ADCYAP1R1: variants seen among roughly 807,000 people sequenced by gnomAD.
ADCYAP1R1 encodes the protein ADCYAP receptor type I.
ADCYAP1R1 carries 44 observed loss-of-function variants against 67.6 expected under a neutral mutation model. That is an observed-to-expected ratio of 0.65 (90% CI 0.51 to 0.84). ADCYAP1R1 has a LOEUF of 0.84. Ranked by LOEUF, ADCYAP1R1 falls within the 40% of genes least tolerant of loss-of-function variation. The probability of loss-of-function intolerance (pLI) is 0.00; values close to 1 mark genes in which losing one functional copy is unlikely to be tolerated. For synonymous variants in ADCYAP1R1, 222 were observed against 219.6 expected (o/e 1.01, Z -0.10); for missense variants, 477 against 587.9 (o/e 0.81, Z 1.95).
Position 31,104,895 on chromosome 7 carries a change from T to A in ADCYAP1R1, c.1204T>A (p.Phe402Ile), listed in dbSNP as rs974372249. Residue 402 changes from phenylalanine to isoleucine, a missense_variant, in exon 15 of 16, where the codon TTT becomes ATT. By Grantham distance (21) the Phe-to-Ile change is conservative. Transcript: ENST00000304166. ...CTTTGTGGTGGCTGTTCTCTACTGTTTTCTGAATGGTGAGGTAAGACCTTG... is the reference window on the plus strand; with the variant it reads ...CTTTGTGGTGGCTGTTCTCTACTGTATTCTGAATGGTGAGGTAAGACCTTG... ...QGFVVAVLYC[F>I]LNGEVQAEIK... is the part of the protein sequence containing the mutation. 4 of 1,614,198 alleles carry A rather than the reference T, an allele frequency of 2.5e-6. No homozygotes were observed. The Admixed American group carries it at 5.0e-5, about 20-fold the overall frequency.
intron 3 of ADCYAP1R1, among the ~76,000 whole-genome samples, chr7:31,074,045 AGCT>A (rs949052744): frequency 1.3e-5 from 2 of 152,286 alleles, no homozygotes; most frequent in East Asian, 3.9e-4. Context: ...AGGCAGCTGT[AGCT>A]GCCCCAGCCA....
intron 13 of ADCYAP1R1, among the ~76,000 whole-genome samples, chr7:31,099,373 TG>T (rs1796341322): frequency 6.6e-6 from 1 of 152,258 alleles, no homozygotes; most frequent in African/African-American, 2.4e-5. Flanking sequence ...TAGCTCCATG[TG>T]GCTGTTGAGC....
chr7:31,098,141 A>G (rs1796280869), intron 13 of ADCYAP1R1, among the ~76,000 whole-genome samples: 1 of 152,132 alleles, frequency 6.6e-6, no homozygotes, highest in South Asian at 2.1e-4. Flanking sequence ...AACTCAGCCA[A>G]TCCACCCGCC....
chr7:31,098,364 G>A (rs1796292467), intron 13 of ADCYAP1R1, among the ~76,000 whole-genome samples: 1 of 152,196 alleles, frequency 6.6e-6, no homozygotes, highest in Non-Finnish European at 1.5e-5. Flanking sequence ...CATTCATTGA[G>A]GAATCATGAA....
chr7:31,074,074 T>C (rs1454344170), intron 3 of ADCYAP1R1, among the ~76,000 whole-genome samples: 1 of 152,158 alleles, frequency 6.6e-6, no homozygotes, highest in Non-Finnish European at 1.5e-5. Flanking sequence ...TGGGCACCAG[T>C]AGGTCCTGGG....
intron 8 of ADCYAP1R1, among the ~76,000 whole-genome samples, 166 bp from the exon 9 acceptor site, chr7:31,085,144 G>T (rs924665410): frequency 6.6e-6 from 1 of 152,188 alleles, no homozygotes; most frequent in African/African-American, 2.4e-5. Flanking sequence ...GGTTATAGGG[G>T]CCTGGAAGTC....
In ADCYAP1R1 at chr7:31,084,772, G is replaced by A. The variant is rs775319900; in HGVS notation, c.474G>A (p.Thr158=). The A allele has an allele frequency of 2.2e-5, 36 of 1,613,954 alleles. No individual in the cohort carries two copies. The highest frequency in any genetic ancestry group is 1.7e-4 in the African/African-American group (13 of 74,904). Residue 158 remains threonine (T), a synonymous_variant, in exon 8 of 16, where the codon ACG becomes ACA. Coordinates refer to ENST00000304166, the MANE Select transcript of ADCYAP1R1 (RefSeq NM_001118.5). ...ACCTGTCAGTGAAGGCCCTCTACAC[G>A]GTTGGCTACAGCACATCCCTCGTCA... The part of the protein sequence containing the change: ...YYYLSVKALY[T]VGYSTSLVTL...
intron 2 of ADCYAP1R1, 101 bp from the exon 3 acceptor site, chr7:31,064,730 C>A: frequency 1.1e-6 from 1 of 916,342 alleles, no homozygotes; most frequent in Non-Finnish European, 1.7e-6. Context: ...TCTGCTTCTG[C>A]TCCCCACTCC....
At chr7:31,076,643 C>A (rs960573400) in intron 3 of ADCYAP1R1, among the ~76,000 whole-genome samples, 1 of 152,186 alleles carries the variant, frequency 6.6e-6, no homozygotes, top group Non-Finnish European at 1.5e-5. Context: ...GTTCCGGGTC[C>A]TTTCACAATT....
At chr7:31,059,894 C>T (rs577459120) in intron 1 of ADCYAP1R1, among the ~76,000 whole-genome samples, 3 of 150,792 alleles carry the variant, frequency 2.0e-5, no homozygotes, top group African/African-American at 7.3e-5. Flanking sequence ...CTCTCTCCTC[C>T]TCTTTGCTGG....
intron 13 of ADCYAP1R1, among the ~76,000 whole-genome samples, chr7:31,101,374 G>GGACAAGTA (rs1341562697): frequency 6.6e-6 from 1 of 152,138 alleles, no homozygotes; most frequent in East Asian, 1.9e-4. Flanking sequence ...TAGACTACAG[G>GGACAAGTA]GACAAGTACT....
In ADCYAP1R1 at chr7:31,104,888, C is replaced by T. The variant is rs771340549; in HGVS notation, c.1197C>T (p.Leu399=). The change falls in exon 15 of 16, where the codon CTC becomes CTT. Residue 399 remains leucine, a synonymous_variant. Coordinates refer to ENST00000304166, the MANE Select transcript of ADCYAP1R1 (RefSeq NM_001118.5). The stretch of plus-strand genomic sequence containing the variant: ...CCCAGGGCTTTGTGGTGGCTGTTCT[C>T]TACTGTTTTCTGAATGGTGAGGTAA... The part of the protein sequence containing the change: ...GSFQGFVVAV[L]YCFLNGEVQA... 6.2e-7 allele frequency: 1 copy of T among 1,614,208 alleles called. No individual in the cohort carries two copies. The highest frequency in any genetic ancestry group is 1.1e-5 in the South Asian group (1 of 91,082).
At chr7:31,076,473 A>G (rs1795221554) in intron 3 of ADCYAP1R1, among the ~76,000 whole-genome samples, 1 of 152,194 alleles carries the variant, frequency 6.6e-6, no homozygotes, top group Non-Finnish European at 1.5e-5. Context: ...AAATCTGGTC[A>G]TAAAGCTTGA....
intron 13 of ADCYAP1R1, chr7:31,100,302 C>T: frequency 7.8e-7 from 1 of 1,284,488 alleles, no homozygotes; most frequent in East Asian, 2.5e-5. Context: ...AGTGGAGAGC[C>T]AGCCTCTGCC....
chr7:31,065,771 G>A (rs908965403), intron 3 of ADCYAP1R1, among the ~76,000 whole-genome samples: 5 of 152,184 alleles, frequency 3.3e-5, no homozygotes, highest in East Asian at 1.9e-4. Context: ...TGCCTTAATC[G>A]TTGAAGGACT....
intron 9 of ADCYAP1R1, among the ~76,000 whole-genome samples, chr7:31,085,863 T>C (rs1795724136): frequency 1.3e-5 from 2 of 152,168 alleles, no homozygotes; most frequent in African/African-American, 4.8e-5. Flanking sequence ...GTCTCACACT[T>C]CTGGAGGAGG....
chr7:31,073,588 G>C (rs1244735051), intron 3 of ADCYAP1R1, among the ~76,000 whole-genome samples: 1 of 152,132 alleles, frequency 6.6e-6, no homozygotes, highest in Non-Finnish European at 1.5e-5. Context: ...CAGGGAAAGG[G>C]GCCTGGAAGG....
rs917787646 is a variant in ADCYAP1R1 at position 31,067,741 on chromosome 7, T to A, written c.157+2805T>A. On this transcript the variant is annotated intron_variant, in intron 3 of 15. Transcript: ENST00000304166. ...TTTGAAGGGCCCTTAACACCTTAATTTTCATGTCTGAAAAATGGAGGAAAA... is the reference window on the plus strand; with the variant it reads ...TTTGAAGGGCCCTTAACACCTTAATATTCATGTCTGAAAAATGGAGGAAAA... Among the ~76,000 whole-genome samples, 7 of 152,284 alleles carry A rather than the reference T, an allele frequency of 4.6e-5. 1 individual carries two copies. In the South Asian group the frequency reaches 1.2e-3, roughly 27 times the overall value.
At chr7:31,055,367 G>A (rs536171331) in intron 1 of ADCYAP1R1, among the ~76,000 whole-genome samples, 12 of 151,918 alleles carry the variant, frequency 7.9e-5, no homozygotes, top group Non-Finnish European at 1.5e-4. Flanking sequence ...GTGCACGCGC[G>A]TGTTGCATAA....
Sources: allele counts gnomAD v4.1 joint callset (sites outside exome capture counted in the v4.1 genomes callset), GRCh38; gene constraint gnomAD v4.1.1; transcripts MANE v1.5; gene names NCBI Gene and HGNC (gene_info 2026-07-23, HGNC 2026-07-21).